Variants in MNAT1 observed in about 807,000 individuals in gnomAD.
MNAT1 encodes the protein CDK-activating kinase assembly factor MAT1.
In MNAT1, 43 loss-of-function variants were observed where a neutral mutation model predicts 42.0. The observed-to-expected ratio is 1.02, with a 90% confidence interval of 0.80 to 1.32. The LOEUF (loss-of-function observed/expected upper bound fraction) is 1.32. Ranked by LOEUF, MNAT1 falls within the 40% of genes most tolerant of loss-of-function variation. MNAT1 has a pLI of 0.00. For missense variants in MNAT1, 306 were observed against 350.4 expected (o/e 0.87, Z 1.01); for synonymous variants, 118 against 120.0 (o/e 0.98, Z 0.11).
At chr14:60,942,003 C>CAAAAAAAAAAAAAAAA (rs3080602) in intron 7 of MNAT1, among the ~76,000 whole-genome samples, 1 of 29,942 alleles carries the variant, frequency 3.3e-5, no homozygotes, top group African/African-American at 1.9e-4. Context: ...GGCTCCATCT[C>CAAAAAAAAAAAAAAAA]AAAAAAAAAA....
chr14:60,818,997 G>A (rs2032801477), intron 6 of MNAT1, 150 bp downstream of exon 6: 4 of 763,290 alleles, frequency 5.2e-6, no homozygotes, highest in South Asian at 2.8e-5. Flanking sequence ...ATGGATGGGT[G>A]CAGTATGAGG....
chr14:60,936,396 C>T (rs1266166899), intron 7 of MNAT1, among the ~76,000 whole-genome samples: 1 of 107,382 alleles, frequency 9.3e-6, no homozygotes, highest in South Asian at 3.9e-4. Context: ...CACCCCACAA[C>T]AGGCCCCCGT....
chr14:60,794,558 G>A (rs553668536), intron 1 of MNAT1, among the ~76,000 whole-genome samples: 61 of 145,452 alleles, frequency 4.2e-4, no homozygotes, highest in African/African-American at 1.4e-3. Context: ...CCCAGCTACT[G>A]AGGAGCCTGA....
At chr14:60,849,931 C>T (rs1324938151) in intron 6 of MNAT1, among the ~76,000 whole-genome samples, 5 of 151,940 alleles carry the variant, frequency 3.3e-5, no homozygotes, top group African/African-American at 4.8e-5. Context: ...CCCCATCTCA[C>T]GTTCAAGTGG....
intron 6 of MNAT1, 148 bp from the exon 7 acceptor site, chr14:60,879,566 G>T: frequency 1.6e-6 from 1 of 643,232 alleles, no homozygotes; most frequent in African/African-American, 1.8e-5. Context: ...TTTTGGTTAT[G>T]CTGCAATGCA....
intron 6 of MNAT1, among the ~76,000 whole-genome samples, chr14:60,862,050 A>G (rs1002843326): frequency 1.2e-4 from 19 of 152,254 alleles, no homozygotes; most frequent in Admixed American, 4.6e-4. Flanking sequence ...ACAAGACAGT[A>G]TAAAAATAAA....
chr14:60,930,750 C>T (rs1165528814), intron 7 of MNAT1, among the ~76,000 whole-genome samples: 1 of 152,122 alleles, frequency 6.6e-6, no homozygotes, highest in Non-Finnish European at 1.5e-5. Flanking sequence ...GTAAGTAGTT[C>T]AGTCTGACTG....
At chr14:60,744,547 C>A (rs1359588905) in intron 1 of MNAT1, among the ~76,000 whole-genome samples, 1 of 152,160 alleles carries the variant, frequency 6.6e-6, no homozygotes, top group Admixed American at 6.5e-5. Context: ...TATAGAGATT[C>A]TGGATTTTGT....
intron 7 of MNAT1, among the ~76,000 whole-genome samples, chr14:60,918,290 G>A (rs957263700): frequency 6.5e-5 from 8 of 123,272 alleles, no homozygotes; most frequent in Admixed American, 5.7e-4. Flanking sequence ...CTCACTGCAA[G>A]CTCTGCCTCC....
At chr14:60,900,007 A>G (rs1300743968) in intron 7 of MNAT1, among the ~76,000 whole-genome samples, 5 of 149,716 alleles carry the variant, frequency 3.3e-5, no homozygotes, top group Middle Eastern at 3.4e-3. Flanking sequence ...AAGTTAATAA[A>G]TGTGTGTGTT....
At chr14:60,965,643 A>T (rs1289354711) in intron 7 of MNAT1, among the ~76,000 whole-genome samples, 1 of 152,224 alleles carries the variant, frequency 6.6e-6, no homozygotes, top group Admixed American at 6.5e-5. Context: ...AGTGGTTTGT[A>T]TTACAGCTAT....
chr14:60,926,287 T>A (rs571508667), intron 7 of MNAT1, among the ~76,000 whole-genome samples: 1 of 152,324 alleles, frequency 6.6e-6, no homozygotes, highest in South Asian at 2.1e-4. Flanking sequence ...AGTTCTCCAG[T>A]CCAGTAGACA....
intron 6 of MNAT1, among the ~76,000 whole-genome samples, chr14:60,863,060 TAACAAC>T (rs200010565): frequency 7.2e-5 from 11 of 152,022 alleles, no homozygotes; most frequent in African/African-American, 1.9e-4. Context: ...ATTCGAAATT[TAACAAC>T]AACAACAACA....
chr14:60,911,574 A>G (rs12433770), intron 7 of MNAT1, among the ~76,000 whole-genome samples: 143,336 of 152,210 alleles, frequency 0.94, 67,813 homozygotes, highest in Non-Finnish European at 0.99. Context: ...CCTTCATTTC[A>G]TTGTGTACCC....
chr14:60,741,197 C>A (rs535084549), intron 1 of MNAT1, among the ~76,000 whole-genome samples: 5 of 152,196 alleles, frequency 3.3e-5, no homozygotes, highest in Non-Finnish European at 7.4e-5. Context: ...TGATAGTGTG[C>A]ATTTTTCCGT....
intron 7 of MNAT1, among the ~76,000 whole-genome samples, chr14:60,946,054 G>A (rs1278777536): frequency 1.3e-5 from 2 of 152,140 alleles, no homozygotes; most frequent in African/African-American, 4.8e-5. Context: ...TGCTTTTGAG[G>A]CCAGTCCCAC....
At chr14:60,833,881 A>C (rs868598008) in intron 6 of MNAT1, among the ~76,000 whole-genome samples, 1 of 152,082 alleles carries the variant, frequency 6.6e-6, no homozygotes, top group African/African-American at 2.4e-5. Flanking sequence ...CAGGGAATTG[A>C]CTTCTTCCTG....
At chr14:60,878,882 G>C (rs1191913259) in intron 6 of MNAT1, among the ~76,000 whole-genome samples, 1 of 152,116 alleles carries the variant, frequency 6.6e-6, no homozygotes, top group African/African-American at 2.4e-5. Flanking sequence ...CAGCTGATCT[G>C]GGTGCAACAG....
At chr14:60,872,288 G>C (rs987007245) in intron 6 of MNAT1, among the ~76,000 whole-genome samples, 8 of 152,102 alleles carry the variant, frequency 5.3e-5, no homozygotes, top group Non-Finnish European at 1.0e-4. Flanking sequence ...ATTCATGAAG[G>C]CTCCAGTCCC....
Sources: allele counts gnomAD v4.1 joint callset (sites outside exome capture counted in the v4.1 genomes callset), GRCh38; gene constraint gnomAD v4.1.1; transcripts MANE v1.5; gene names NCBI Gene and HGNC (gene_info 2026-07-23, HGNC 2026-07-21).